NOP9: variants seen among roughly 807,000 people sequenced by gnomAD.
NOP9 encodes the protein nucleolar protein 9.
A neutral mutation model predicts 63.0 loss-of-function variants in NOP9; 50 were observed. That is an observed-to-expected ratio of 0.79 (90% CI 0.63 to 1.00). The LOEUF (loss-of-function observed/expected upper bound fraction) is 1.00, where lower values mean the gene tolerates loss of function less well. NOP9 is among the 50% of genes least tolerant of loss of function. The pLI, the probability that NOP9 is intolerant of heterozygous loss-of-function variation, is 0.00. For synonymous variants in NOP9, 343 were observed against 332.8 expected, an observed-to-expected ratio of 1.03 and a Z score of -0.33; for missense variants, 758 against 803.0, an observed-to-expected ratio of 0.94 and a Z score of 0.68.
chr14:24,296,793 C>T (rs939057492), upstream of NOP9: 23 of 1,614,224 alleles, frequency 1.4e-5, no homozygotes, highest in East Asian at 4.5e-5. Flanking sequence ...TTGCTGTTCC[C>T]GATCCACTTG....
Position 24,300,855 on chromosome 14 carries a change from C to T in NOP9, c.695C>T (p.Ser232Phe), listed in dbSNP as rs1594617593. Reference protein sequence around the residue: ...ERARPRGSQSSEAQKTPAQEC... With the variant: ...ERARPRGSQSFEAQKTPAQEC... ...GCCAGGCCCCGTGGTTCCCAATCAT[C>T]TGGTAAGTATTACAAGAGGAAAGTG... The change falls in exon 2 of 10, where the codon TCT becomes TTT. Residue 232 changes from serine (S) to phenylalanine (F), a missense_variant and splice_region_variant. Ser to Phe is a radical substitution (Grantham distance 155, BLOSUM62 -2). Transcript: ENST00000267425. 1 of 1,611,050 alleles carries T rather than the reference C, an allele frequency of 6.2e-7. No homozygotes were observed. The highest frequency in any genetic ancestry group is 8.5e-7 in the Non-Finnish European group (1 of 1,177,938).
the NOP9 span, among the ~76,000 whole-genome samples, chr14:24,290,218 C>A: frequency 1.3e-5 from 2 of 152,232 alleles, no homozygotes; most frequent in African/African-American, 4.8e-5. Flanking sequence ...ATTCCTCTGT[C>A]CCTCACTTGG....
rs1481383875 is a variant in NOP9, at chr14:24,305,814, G to A, written c.*719G>A. 3 of 1,604,434 alleles carry A rather than the reference G, an allele frequency of 1.9e-6. No individual in the cohort carries two copies. The highest frequency in any genetic ancestry group is 1.7e-6 in the Non-Finnish European group (2 of 1,174,352). On this transcript the variant is annotated 3_prime_UTR_variant, in exon 10 of 10. Coordinates refer to ENST00000267425, the MANE Select transcript of NOP9 (RefSeq NM_174913.3). ...ATCAGATGATTTGGAAAACTTGGGA[G>A]GAAGCCATCAAGCTGGGAGATGAGG... is the stretch of plus-strand genomic sequence containing the variant.
chr14:24,299,674 T>G (rs532226108), upstream of NOP9: 1 of 384,510 alleles, frequency 2.6e-6, no homozygotes, highest in Non-Finnish European at 4.7e-6. Context: ...GTGGAGGCAG[T>G]GTTCAAGGAT....
chr14:24,275,613 A>G, the NOP9 span, among the ~76,000 whole-genome samples: 4 of 152,322 alleles, frequency 2.6e-5, no homozygotes, highest in East Asian at 1.9e-4. Context: ...CAGGACCCTG[A>G]GCCCGTCACA....
At chr14:24,304,873 C>G in intron 9 of NOP9, 65 bp from the exon 10 acceptor site, 1 of 1,471,064 alleles carries the variant, frequency 6.8e-7, no homozygotes, top group South Asian at 1.4e-5. Context: ...ATGGAGGGAT[C>G]TTTACGTCAA....
In NOP9 at chr14:24,307,477, A is replaced by C. The variant is rs777640216; in HGVS notation, c.*2382A>C. The C allele has an allele frequency of 6.2e-7, 1 of 1,613,896 alleles. No individual in the cohort carries two copies. Among genetic ancestry groups the C allele is most frequent in the Non-Finnish European group, 8.5e-7 (1 of 1,179,972 alleles). On this transcript the variant is annotated 3_prime_UTR_variant, in exon 10 of 10. Coordinates refer to ENST00000267425, the MANE Select transcript of NOP9 (RefSeq NM_174913.3). Reference sequence around the variant, plus strand: ...CTGGGGTGGTGGAGCTGAGGTCCAGACCCTCCGTCCAAACTCCGAGCTTAT... The same window carrying C: ...CTGGGGTGGTGGAGCTGAGGTCCAGCCCCTCCGTCCAAACTCCGAGCTTAT...
chr14:24,295,667 T>A (rs1007345376), upstream of NOP9, among the ~76,000 whole-genome samples: 9 of 152,344 alleles, frequency 5.9e-5, no homozygotes, highest in African/African-American at 2.2e-4. Flanking sequence ...TCATGAACAC[T>A]GGCCAATTTC....
Position 24,308,275 on chromosome 14 carries a change from C to T in NOP9, c.*3180C>T, listed in dbSNP as rs376897283. 4.0e-6 allele frequency: 1 copy of T among 248,322 alleles called. No individual in the cohort carries two copies. The highest frequency in any genetic ancestry group is 4.6e-5 in the South Asian group (1 of 21,682). The allele number at this position is 248,322 out of a possible 1,614,324, so 15.4% of individuals were successfully genotyped here. On this transcript the variant is annotated 3_prime_UTR_variant, in exon 10 of 10. Transcript: ENST00000267425. ...TTTATGAGTGGCTCTGTGTGTGCTG[C>T]CACCTACTGGAGAAGCCATAAGCTG... is the stretch of plus-strand genomic sequence containing the variant.
chr14:24,299,863 A>C lies in NOP9; in HGVS notation c.-92A>C. On this transcript the variant is annotated 5_prime_UTR_variant, in exon 1 of 10. Transcript: ENST00000267425. The stretch of plus-strand genomic sequence containing the variant: ...CGTCAGGAGCGCGCCCGCGTTTCTA[A>C]ACTTTGTCTGGATAAGGCGCACGCT... 6.9e-7 allele frequency: 1 copy of C among 1,446,026 alleles called. No homozygotes were observed. The highest frequency in any genetic ancestry group is 9.1e-7 in the Non-Finnish European group (1 of 1,098,208). The allele number at this position is 1,446,026 out of a possible 1,614,324, so 89.6% of individuals were successfully genotyped here. A position where few individuals can be genotyped will look rare whatever the true frequency, so the allele number is the denominator to read the frequency against.
chr14:24,298,130 C>T (rs781576131), upstream of NOP9, among the ~76,000 whole-genome samples: 4 of 152,180 alleles, frequency 2.6e-5, no homozygotes, highest in Non-Finnish European at 4.4e-5. Context: ...ACTGCAACCT[C>T]GAACTCCTGG....
At position 24,304,203 on chromosome 14, in the gene NOP9, CAT is replaced by C. The variant is rs1381037927; in HGVS notation, c.1574_1575del (p.His525ArgfsTer33). 6.2e-6 allele frequency: 10 copies of C among 1,614,118 alleles called. No individual in the cohort carries two copies. Among genetic ancestry groups the C allele is most frequent in the African/African-American group, 2.7e-5 (2 of 74,942 alleles). On this transcript the variant is annotated frameshift_variant, in exon 8 of 10. Coordinates refer to ENST00000267425, the MANE Select transcript of NOP9 (RefSeq NM_174913.3). LOFTEE classifies it high-confidence loss of function. Reference protein sequence around the residue: ...LSLAQSPAGSHVLDAILTSPS... With the variant: ...LSLAQSPAGSXVLDAILTSPS... ...CCTTGCCCAAAGTCCCGCTGGCTCT[CAT>C]GTGCTCGATGCCATCCTGACCAGCC...
the NOP9 span, among the ~76,000 whole-genome samples, chr14:24,294,849 C>T: frequency 2.6e-5 from 4 of 152,160 alleles, no homozygotes; most frequent in South Asian, 2.1e-4. Flanking sequence ...TATATATTTT[C>T]GGCTTATTAT....
chr14:24,300,288 TTA>T (rs2041346348), intron 1 of NOP9, 87 bp downstream of exon 1: 1 of 1,572,002 alleles, frequency 6.4e-7, no homozygotes, highest in African/African-American at 1.4e-5. Flanking sequence ...GCGTGGGGAC[TTA>T]GTTTCATTTC....
At chr14:24,296,976 C>G, upstream of NOP9, 1 of 1,550,406 alleles carries the variant, frequency 6.4e-7, no homozygotes, top group Non-Finnish European at 8.8e-7. Context: ...ACTGAGAAGA[C>G]AATCAATCCT....
chr14:24,297,910 C>T (rs1194959348), upstream of NOP9, among the ~76,000 whole-genome samples: 2 of 152,224 alleles, frequency 1.3e-5, no homozygotes, highest in Non-Finnish European at 2.9e-5. Context: ...TAGCCACTCT[C>T]CTATGTCATC....
the NOP9 span, among the ~76,000 whole-genome samples, chr14:24,281,702 G>A: frequency 1.3e-5 from 2 of 152,206 alleles, no homozygotes; most frequent in South Asian, 2.1e-4. Flanking sequence ...GGCAAAATGG[G>A]GTTGGGGGCT....
At chr14:24,271,644 G>C in the NOP9 span, 1 of 152,892 alleles carries the variant, frequency 6.5e-6, no homozygotes, top group African/African-American at 2.4e-5. Context: ...TCGGAGGCGC[G>C]TGCGCGGGGG....
At chr14:24,302,463 T>A in intron 5 of NOP9, 39 bp downstream of exon 5, 1 of 1,562,786 alleles carries the variant, frequency 6.4e-7, no homozygotes, top group Middle Eastern at 1.7e-4. Flanking sequence ...TTCTGCTAAT[T>A]CTTGATCACT....
Sources: allele counts gnomAD v4.1 joint callset (sites outside exome capture counted in the v4.1 genomes callset), GRCh38; gene constraint gnomAD v4.1.1; transcripts MANE v1.5; gene names NCBI Gene and HGNC (gene_info 2026-07-23, HGNC 2026-07-21).